Variants in TNKS observed in about 807,000 individuals in gnomAD.
TNKS encodes the protein poly [ADP-ribose] polymerase tankyrase-1.
TNKS carries 72 observed loss-of-function variants against 135.8 expected under a neutral mutation model. The ratio of observed to expected loss-of-function variants is 0.53; its 90% CI spans 0.44 to 0.64. TNKS has a LOEUF of 0.64. TNKS is among the 30% of genes least tolerant of loss of function. The pLI is 0.00. For missense variants in TNKS, 1,769 were observed against 1,674.0 expected, an observed-to-expected ratio of 1.06 and a Z score of -0.99; for synonymous variants, 849 against 649.3, an observed-to-expected ratio of 1.31 and a Z score of -4.68.
At chr8:9,765,641 T>A in intron 23 of TNKS, 51 bp from the exon 24 acceptor site, 1 of 1,456,234 alleles carries the variant, frequency 6.9e-7, no homozygotes, top group Non-Finnish European at 9.6e-7. Flanking sequence ...TCATTTTAAA[T>A]CATAAATGCA....
intron 25 of TNKS, among the ~76,000 whole-genome samples, chr8:9,766,835 CATCCCGGTAA>C (rs1563221161): frequency 6.6e-6 from 1 of 152,168 alleles, no homozygotes; most frequent in African/African-American, 2.4e-5. Context: ...CTCAGTCTTG[CATCCCGGTAA>C]ATCCCGTTGG....
At chr8:9,730,045 G>C (rs908608461) in intron 13 of TNKS, among the ~76,000 whole-genome samples, 1 of 152,106 alleles carries the variant, frequency 6.6e-6, no homozygotes, top group East Asian at 1.9e-4. Context: ...AAAGTGCTGG[G>C]ATTGCAGGCG....
intron 11 of TNKS, among the ~76,000 whole-genome samples, chr8:9,715,069 A>C (rs1405373545): frequency 6.6e-6 from 1 of 152,240 alleles, no homozygotes; most frequent in South Asian, 2.1e-4. Context: ...AAGTTCTATC[A>C]CAGTGTCTAC....
At chr8:9,765,856 G>A in intron 24 of TNKS, 59 bp downstream of exon 24, 1 of 1,388,152 alleles carries the variant, frequency 7.2e-7, no homozygotes, top group Non-Finnish European at 1.0e-6. Flanking sequence ...AGTCAGTAAA[G>A]GGAAAAACCT....
intron 1 of TNKS, among the ~76,000 whole-genome samples, chr8:9,579,891 T>C (rs1300298831): frequency 6.6e-6 from 1 of 152,238 alleles, no homozygotes; most frequent in Non-Finnish European, 1.5e-5. Flanking sequence ...TTATTTTGTG[T>C]TTCTAGCACT....
intron 3 of TNKS, among the ~76,000 whole-genome samples, chr8:9,625,325 A>G (rs1800017780): frequency 6.6e-6 from 1 of 151,708 alleles, no homozygotes; most frequent in South Asian, 2.1e-4. Context: ...TGTCAATTTT[A>G]TTGATCTTTT....
chr8:9,563,721 C>G (rs980332520), intron 1 of TNKS, among the ~76,000 whole-genome samples: 31 of 151,920 alleles, frequency 2.0e-4, no homozygotes, highest in African/African-American at 7.0e-4. Context: ...TTGTATCATT[C>G]TCGTATTCTC....
chr8:9,619,994 G>A (rs538838405), intron 3 of TNKS, among the ~76,000 whole-genome samples: 1 of 151,102 alleles, frequency 6.6e-6, no homozygotes, highest in Non-Finnish European at 1.5e-5. Context: ...TCTGTCGCCA[G>A]GTTGGAGTGC....
chr8:9,633,750 C>T (rs1455929437), intron 3 of TNKS, among the ~76,000 whole-genome samples: 2 of 152,130 alleles, frequency 1.3e-5, no homozygotes, highest in Non-Finnish European at 2.9e-5. Flanking sequence ...ATAGACAAGC[C>T]CATTTGGGGA....
At chr8:9,715,307 A>G (rs1266736106) in intron 11 of TNKS, among the ~76,000 whole-genome samples, 1 of 151,900 alleles carries the variant, frequency 6.6e-6, no homozygotes, top group Non-Finnish European at 1.5e-5. Flanking sequence ...AACTGTATAG[A>G]AACGTGGGCA....
intron 18 of TNKS, among the ~76,000 whole-genome samples, chr8:9,751,101 G>A (rs927516553): frequency 1.3e-5 from 2 of 152,164 alleles, no homozygotes; most frequent in African/African-American, 2.4e-5. Context: ...CATACATGAC[G>A]GGAGGAAGGA....
chr8:9,765,195 G>T (rs183099251), intron 23 of TNKS, among the ~76,000 whole-genome samples: 1 of 151,800 alleles, frequency 6.6e-6, no homozygotes, highest in African/African-American at 2.4e-5. Flanking sequence ...TCTTAATCTC[G>T]GTATCTCAAT....
intron 20 of TNKS, among the ~76,000 whole-genome samples, chr8:9,757,765 C>G (rs1342758487): frequency 6.6e-6 from 1 of 152,208 alleles, no homozygotes; most frequent in Admixed American, 6.5e-5. Context: ...AACTATGTAA[C>G]TTTCCAACTA....
At chr8:9,745,753 T>C (rs749504915) in intron 17 of TNKS, among the ~76,000 whole-genome samples, 27 of 152,106 alleles carry the variant, frequency 1.8e-4, no homozygotes, top group Admixed American at 2.6e-4. Flanking sequence ...TTAGAGCAAA[T>C]GTGGAAGCTT....
intron 5 of TNKS, among the ~76,000 whole-genome samples, chr8:9,700,933 C>T (rs1791878045): frequency 2.7e-5 from 2 of 74,102 alleles, no homozygotes; most frequent in Non-Finnish European, 6.3e-5. Context: ...TATGTTTTGC[C>T]CCCTTTTTTT....
At chr8:9,616,384 T>C (rs1256851152) in intron 3 of TNKS, among the ~76,000 whole-genome samples, 1 of 152,222 alleles carries the variant, frequency 6.6e-6, no homozygotes, top group East Asian at 1.9e-4. Flanking sequence ...TTTGTTTTTA[T>C]TCTTAGCATC....
In TNKS at chr8:9,734,980, C is replaced by T. The variant is rs1348030210; in HGVS notation, c.2429C>T (p.Ala810Val). The change falls in exon 16 of 27, where the codon GCT (alanine) becomes GTT (valine). Residue 810 changes from alanine (A) to valine (V), a missense_variant. Physicochemically the swap from Ala to Val is moderately conservative, Grantham distance 64 (BLOSUM62 0). Around this residue, in one of 5 missense-constraint regions of TNKS, gnomAD observed 722 missense variants for 688.9 expected, o/e 1.05. Coordinates refer to ENST00000310430, the MANE Select transcript of TNKS (RefSeq NM_003747.3). ...LLRGDAALLD[A>V]AKKGCLARVQ... is the part of the protein sequence containing the mutation. ...AGAGGGGATGCTGCTTTGTTGGATG[C>T]TGCCAAGAAGGGCTGCCTGGCAAGA... 2 of 1,614,202 alleles carry T rather than the reference C, an allele frequency of 1.2e-6. No homozygotes were observed. Among genetic ancestry groups the T allele is most frequent in the Non-Finnish European group, 1.7e-6 (2 of 1,180,028 alleles).
intron 23 of TNKS, among the ~76,000 whole-genome samples, chr8:9,765,209 T>C (rs1395941768): frequency 2.0e-5 from 3 of 152,196 alleles, no homozygotes; most frequent in African/African-American, 7.2e-5. Flanking sequence ...TCTCAATTTA[T>C]AATATGGAAC....
intron 26 of TNKS, among the ~76,000 whole-genome samples, chr8:9,773,081 C>CTGTT (rs1808028372): frequency 6.6e-6 from 1 of 151,626 alleles, no homozygotes; most frequent in Non-Finnish European, 1.5e-5. Context: ...TCATATTTTT[C>CTGTT]TGTTTAAATC....
Sources: gnomAD v4.1 joint callset for allele counts (sites outside exome capture counted in the v4.1 genomes callset) on GRCh38, gnomAD v4.1.1 for gene constraint, gnomAD v4.1.1 regional missense constraint, MANE v1.5 for transcripts, NCBI Gene and HGNC (gene_info 2026-07-23, HGNC 2026-07-21) for gene names.